Variants in ELAVL2 observed in about 807,000 individuals in gnomAD.
The protein encoded by ELAVL2 is ELAV like RNA binding protein 2.
Under a neutral mutation model 34.6 loss-of-function variants are expected in ELAVL2, and 4 were observed. The observed-to-expected ratio is 0.12, with a 90% confidence interval of 0.06 to 0.26. The LOEUF is 0.26. ELAVL2 is among the 10% of genes least tolerant of loss of function. ELAVL2 has a pLI of 1.00. For missense variants in ELAVL2, 432 were observed against 442.8 expected, an observed-to-expected ratio of 0.98 and a Z score of 0.22; for synonymous variants, 193 against 154.8, an observed-to-expected ratio of 1.25 and a Z score of -1.83.
chr9:23,843,744 T>G, the ELAVL2 span, among the ~76,000 whole-genome samples: 1 of 152,078 alleles, frequency 6.6e-6, no homozygotes, highest in Non-Finnish European at 1.5e-5. Flanking sequence ...TCTGCTTTTG[T>G]GTGCCTTTCA....
At chr9:23,752,758 G>A (rs2052459905) in intron 2 of ELAVL2, among the ~76,000 whole-genome samples, 1 of 152,056 alleles carries the variant, frequency 6.6e-6, no homozygotes, top group African/African-American at 2.4e-5. Flanking sequence ...CCCAGCCAAG[G>A]AACTCTTATA....
chr9:23,753,427 A>G lies in ELAVL2; in HGVS notation c.229+8579T>C, dbSNP rs561004263. On this transcript the variant is annotated intron_variant, in intron 2 of 6. Coordinates refer to ENST00000397312, the MANE Select transcript of ELAVL2 (RefSeq NM_004432.5). Reference sequence around the variant, plus strand: ...TCTATTCTGAATTTAAACAAAGTTAAAAAAAAAATAAAAGGCTGGTGGCCA... The same window carrying G: ...TCTATTCTGAATTTAAACAAAGTTAGAAAAAAAATAAAAGGCTGGTGGCCA... 3.3e-4 allele frequency among the ~76,000 whole-genome samples: 50 copies of G among 151,048 alleles called. 2 individuals carry two copies. The highest frequency in any genetic ancestry group is 1.2e-3 in the African/African-American group (49 of 41,034).
rs563734503 is a variant in ELAVL2 at position 23,781,994 on chromosome 9, A to T, written c.-15-19745T>A. Among the ~76,000 whole-genome samples the T allele has an allele frequency of 1.1e-4, 16 of 151,732 alleles. No individual in the cohort carries two copies. The South Asian group carries it at 3.3e-3, about 32-fold the overall frequency. ...CCACCGCGCCTGGCTAATTTTTTAA[A>T]ATCTTTTGTGGAGACGAGGTTTTGC... On this transcript the variant is annotated intron_variant, in intron 1 of 6. Transcript: ENST00000397312.
chr9:23,780,368 CATT>C (rs1223819478), intron 1 of ELAVL2, among the ~76,000 whole-genome samples: 1 of 152,178 alleles, frequency 6.6e-6, no homozygotes, highest in Non-Finnish European at 1.5e-5. Flanking sequence ...TCCCCCTGGA[CATT>C]CAATTGTTAT....
intron 5 of ELAVL2, among the ~76,000 whole-genome samples, chr9:23,694,196 A>AG (rs536689647): frequency 4.7e-4 from 71 of 151,870 alleles, no homozygotes; most frequent in South Asian, 4.4e-3. Context: ...ATTACGCTAC[A>AG]GGAAGTGTCG....
intron 1 of ELAVL2, among the ~76,000 whole-genome samples, chr9:23,784,398 TTAAG>T (rs2059438485): frequency 6.6e-6 from 1 of 152,184 alleles, no homozygotes; most frequent in Non-Finnish European, 1.5e-5. Flanking sequence ...CTTCTGCAGA[TTAAG>T]TGACATTTAA....
intron 3 of ELAVL2, among the ~76,000 whole-genome samples, chr9:23,726,672 T>C (rs148223096): frequency 6.6e-6 from 1 of 152,216 alleles, no homozygotes; most frequent in East Asian, 1.9e-4. Flanking sequence ...CAGAGTTCTT[T>C]ATGCAGAGGA....
Position 23,692,370 on chromosome 9 carries a change from A to T in ELAVL2, c.*187T>A. ...TCTTGTCCATATTCAAACATAAAAG[A>T]TATTTAAGAAGTTTTAATTCAAATA... is the stretch of plus-strand genomic sequence containing the variant. On this transcript the variant is annotated 3_prime_UTR_variant, in exon 7 of 7. Coordinates refer to ENST00000397312, the MANE Select transcript of ELAVL2 (RefSeq NM_004432.5). 1.6e-6 allele frequency: 1 copy of T among 639,030 alleles called. No homozygotes were observed. The highest frequency in any genetic ancestry group is 2.6e-6 in the Non-Finnish European group (1 of 385,288). The allele number at this position is 639,030 out of a possible 1,614,324, so 39.6% of individuals were successfully genotyped here. A position where few individuals can be genotyped will look rare whatever the true frequency, so the allele number is the denominator to read the frequency against.
At chr9:23,739,886 A>C (rs1306864832) in intron 2 of ELAVL2, among the ~76,000 whole-genome samples, 1 of 152,092 alleles carries the variant, frequency 6.6e-6, no homozygotes, top group African/African-American at 2.4e-5. Context: ...TTTTTAACTC[A>C]GATACCACAA....
At chr9:23,832,141 G>A in the ELAVL2 span, 1 of 152,188 alleles carries the variant, frequency 6.6e-6, no homozygotes, top group Non-Finnish European at 1.5e-5. Context: ...CGGATACAGA[G>A]GAGTTACCAT....
intron 2 of ELAVL2, among the ~76,000 whole-genome samples, chr9:23,753,359 T>C (rs1274180741): frequency 3.3e-5 from 5 of 152,040 alleles, no homozygotes; most frequent in Admixed American, 1.3e-4. Context: ...CAGGAATATT[T>C]GAAAGGAAAT....
intron 1 of ELAVL2, among the ~76,000 whole-genome samples, chr9:23,801,312 C>T (rs2061539825): frequency 6.6e-6 from 1 of 152,094 alleles, no homozygotes; most frequent in Non-Finnish European, 1.5e-5. Context: ...GAAATTTTCT[C>T]AGGTAGAAGA....
intron 2 of ELAVL2, among the ~76,000 whole-genome samples, chr9:23,747,001 C>A (rs1356070032): frequency 1.3e-5 from 2 of 151,970 alleles, no homozygotes; most frequent in East Asian, 3.9e-4. Flanking sequence ...ATGACAATTC[C>A]CTCCTTCTCT....
intron 1 of ELAVL2, among the ~76,000 whole-genome samples, chr9:23,796,129 A>T: frequency 6.6e-6 from 1 of 152,372 alleles, no homozygotes; most frequent in East Asian, 1.9e-4. Flanking sequence ...AAACCAAAAG[A>T]CAAATGATGA....
At chr9:23,711,816 T>C (rs1320328103) in intron 3 of ELAVL2, among the ~76,000 whole-genome samples, 1 of 152,206 alleles carries the variant, frequency 6.6e-6, no homozygotes, top group Non-Finnish European at 1.5e-5. Flanking sequence ...TACATCCTGG[T>C]AACTACCACA....
intron 5 of ELAVL2, among the ~76,000 whole-genome samples, chr9:23,693,887 G>A (rs1319353597): frequency 2.0e-5 from 3 of 152,182 alleles, no homozygotes; most frequent in African/African-American, 4.8e-5. Context: ...AAGGCACACA[G>A]GGTTTAAGTG....
intron 1 of ELAVL2, among the ~76,000 whole-genome samples, chr9:23,806,387 G>C (rs932704438): frequency 3.9e-5 from 6 of 152,060 alleles, no homozygotes; most frequent in African/African-American, 1.2e-4. Context: ...TGTAATCCCA[G>C]CACTTTGGAA....
At chr9:23,775,482 A>G (rs1468871179) in intron 1 of ELAVL2, among the ~76,000 whole-genome samples, 5 of 152,226 alleles carry the variant, frequency 3.3e-5, no homozygotes, top group Non-Finnish European at 2.9e-5. Context: ...GGGATTTGAA[A>G]TCAGTGCTGA....
chr9:23,706,954 A>G (rs1396774314), intron 3 of ELAVL2, among the ~76,000 whole-genome samples: 1 of 152,146 alleles, frequency 6.6e-6, no homozygotes, highest in Admixed American at 6.5e-5. Context: ...ACTCTTCTTT[A>G]TTCAAACCGT....
Sources: gnomAD v4.1 joint callset for allele counts (sites outside exome capture counted in the v4.1 genomes callset) on GRCh38, gnomAD v4.1.1 for gene constraint, MANE v1.5 for transcripts, NCBI Gene and HGNC (gene_info 2026-07-23, HGNC 2026-07-21) for gene names.